Variants in JMJD1C observed in about 807,000 individuals in gnomAD.
The protein encoded by JMJD1C is jumonji domain containing 1C.
A neutral mutation model predicts 245.3 loss-of-function variants in JMJD1C; 31 were observed. The ratio of observed to expected loss-of-function variants is 0.13; its 90% CI spans 0.09 to 0.17. JMJD1C has a LOEUF of 0.17. Ranked by LOEUF, JMJD1C falls within the 10% of genes least tolerant of loss-of-function variation. The pLI is 1.00. For missense variants in JMJD1C, 2,691 were observed against 3,000.2 expected (o/e 0.90, Z 2.41); for synonymous variants, 1,057 against 1,017.4 (o/e 1.04, Z -0.74).
At chr10:63,501,122 TG>T in intron 1 of JMJD1C, among the ~76,000 whole-genome samples, 1 of 152,272 alleles carries the variant, frequency 6.6e-6, no homozygotes, top group Admixed American at 6.5e-5. Flanking sequence ...CCCAGGCCTC[TG>T]GCTCTTGAAC....
intron 1 of JMJD1C, among the ~76,000 whole-genome samples, chr10:63,412,226 T>A (rs1311252340): frequency 6.6e-6 from 1 of 152,162 alleles, no homozygotes; most frequent in African/African-American, 2.4e-5. Flanking sequence ...GTCTTAACAA[T>A]GACATAAAGT....
intron 12 of JMJD1C, among the ~76,000 whole-genome samples, chr10:63,198,272 A>G (rs1328049801): frequency 6.6e-6 from 1 of 152,238 alleles, no homozygotes; most frequent in Non-Finnish European, 1.5e-5. Flanking sequence ...TAACACATTA[A>G]CTTAATGTTG....
At chr10:63,484,410 C>T (rs771687795) in intron 1 of JMJD1C, among the ~76,000 whole-genome samples, 1 of 152,138 alleles carries the variant, frequency 6.6e-6, no homozygotes, top group Non-Finnish European at 1.5e-5. Flanking sequence ...GAATAATTTT[C>T]AGTATGTAAC....
At chr10:63,274,303 G>A (rs968190139) in intron 2 of JMJD1C, among the ~76,000 whole-genome samples, 5 of 152,116 alleles carry the variant, frequency 3.3e-5, no homozygotes, top group Non-Finnish European at 5.9e-5. Context: ...AGTGGTTCAC[G>A]CCTGTAATCC....
intron 3 of JMJD1C, among the ~76,000 whole-genome samples, chr10:63,254,776 C>T: frequency 6.6e-6 from 1 of 152,098 alleles, no homozygotes; most frequent in East Asian, 1.9e-4. Context: ...TCTCGAGCTC[C>T]TGAGCTCAAG....
intron 2 of JMJD1C, among the ~76,000 whole-genome samples, chr10:63,296,003 G>GTATATATA (rs1205721922): frequency 1.0e-5 from 1 of 95,732 alleles, no homozygotes; most frequent in African/African-American, 3.9e-5. Flanking sequence ...GTGTGTGTGT[G>GTATATATA]TATATATATA....
In JMJD1C at chr10:63,213,653, C is replaced by T. The variant is rs373568855; in HGVS notation, c.2514G>A (p.Gln838=). The T allele has an allele frequency of 2.9e-5, 47 of 1,614,070 alleles. No individual in the cohort carries two copies. Among genetic ancestry groups the T allele is most frequent in the South Asian group, 1.1e-5 (1 of 91,092 alleles). Residue 838 remains glutamine, a synonymous_variant, in exon 8 of 26, where the codon CAG becomes CAA. Transcript: ENST00000399262. ...GTCCAAGAAGATGAGGTGACTGGTG[C>T]TGTAACAACTGTTGTTGTTGCTGGT... ...LAHQQQQQLL[Q]HQSPHLLGQA...
At chr10:63,294,926 G>A (rs1356793946) in intron 2 of JMJD1C, among the ~76,000 whole-genome samples, 1 of 152,098 alleles carries the variant, frequency 6.6e-6, no homozygotes, top group African/African-American at 2.4e-5. Context: ...ATTTTAAAAG[G>A]CATTATTGAA....
intron 1 of JMJD1C, 78 bp downstream of exon 1, chr10:63,465,417 G>A: frequency 7.2e-7 from 1 of 1,392,468 alleles, no homozygotes. Flanking sequence ...CGAGGCGCCA[G>A]AGGGAAGCCT....
At chr10:63,511,985 C>T (rs764374430) in intron 1 of JMJD1C, among the ~76,000 whole-genome samples, 23 of 152,174 alleles carry the variant, frequency 1.5e-4, no homozygotes, top group Non-Finnish European at 2.8e-4. Flanking sequence ...ACACTTACAA[C>T]TCATTCAAGT....
intron 24 of JMJD1C, among the ~76,000 whole-genome samples, chr10:63,171,797 GA>G (rs201913184): frequency 0.012 from 1,883 of 152,298 alleles, 15 homozygotes; most frequent in Non-Finnish European, 0.017. Context: ...TTTAGAGTCT[GA>G]TTATTCTGAG....
intron 24 of JMJD1C, among the ~76,000 whole-genome samples, chr10:63,170,129 G>C (rs117607177): frequency 2.0e-5 from 3 of 152,172 alleles, no homozygotes; most frequent in Admixed American, 2.0e-4. Context: ...ATGTATACTT[G>C]GTTCTTTTTT....
chr10:63,215,761 A>C, intron 5 of JMJD1C, 65 bp from the exon 6 acceptor site: 1 of 1,122,030 alleles, frequency 8.9e-7, no homozygotes, highest in Non-Finnish European at 1.2e-6. Flanking sequence ...ATTTGGTATA[A>C]TTTCTTTACT....
chr10:63,427,395 T>C (rs1248345668), intron 1 of JMJD1C: 2 of 1,099,408 alleles, frequency 1.8e-6, no homozygotes, highest in African/African-American at 1.5e-5. Context: ...ATAGCAAACA[T>C]GTCTTGACGG....
intron 2 of JMJD1C, among the ~76,000 whole-genome samples, chr10:63,272,203 T>C (rs1384958329): frequency 6.6e-6 from 1 of 152,164 alleles, no homozygotes; most frequent in African/African-American, 2.4e-5. Flanking sequence ...GAGTAAAGTA[T>C]GGCTTTATTT....
chr10:63,500,921 A>T (rs1442249541), intron 1 of JMJD1C, among the ~76,000 whole-genome samples: 1 of 152,222 alleles, frequency 6.6e-6, no homozygotes, highest in African/African-American at 2.4e-5. Context: ...AACAACATAA[A>T]ACAGTTAATA....
intron 2 of JMJD1C, among the ~76,000 whole-genome samples, chr10:63,289,134 C>A (rs556236400): frequency 6.6e-6 from 1 of 152,018 alleles, no homozygotes; most frequent in African/African-American, 2.4e-5. Flanking sequence ...CCAGTTAGTA[C>A]ACATGGATAA....
chr10:63,335,272 AAGAC>A (rs1263766457), intron 2 of JMJD1C, among the ~76,000 whole-genome samples: 1 of 152,132 alleles, frequency 6.6e-6, no homozygotes, highest in Non-Finnish European at 1.5e-5. Context: ...TGAAAGCTGT[AAGAC>A]AAACAACCTG....
intron 3 of JMJD1C, among the ~76,000 whole-genome samples, chr10:63,237,459 GA>G (rs1850882887): frequency 6.6e-6 from 1 of 152,168 alleles, no homozygotes; most frequent in Admixed American, 6.5e-5. Flanking sequence ...TGGAAATGAT[GA>G]ATCTATAAAT....
Sources: gnomAD v4.1 joint callset for allele counts (sites outside exome capture counted in the v4.1 genomes callset) on GRCh38, gnomAD v4.1.1 for gene constraint, MANE v1.5 for transcripts, NCBI Gene and HGNC (gene_info 2026-07-23, HGNC 2026-07-21) for gene names.